Variants in PGM5 observed in about 807,000 individuals in gnomAD.
PGM5 encodes phosphoglucomutase-like protein 5.
In PGM5, 23 loss-of-function variants were observed where a neutral mutation model predicts 59.2. The ratio of observed to expected loss-of-function variants is 0.39; its 90% confidence interval spans 0.28 to 0.55. PGM5 has a LOEUF of 0.55. PGM5 is among the 20% of genes least tolerant of loss of function. PGM5 has a pLI of 0.66. For synonymous variants in PGM5, 214 were observed against 286.0 expected, an observed-to-expected ratio of 0.75 and a Z score of 2.54; for missense variants, 574 against 748.3, an observed-to-expected ratio of 0.77 and a Z score of 2.72.
intron 6 of PGM5, among the ~76,000 whole-genome samples, chr9:68,449,774 CT>C (rs1449723204): frequency 1.3e-5 from 2 of 152,182 alleles, no homozygotes; most frequent in African/African-American, 2.4e-5. Flanking sequence ...ACTGCACAGC[CT>C]CTTTAATCTT....
intron 6 of PGM5, among the ~76,000 whole-genome samples, chr9:68,444,298 T>C (rs1823576759): frequency 6.6e-6 from 1 of 152,156 alleles, no homozygotes; most frequent in Non-Finnish European, 1.5e-5. Context: ...AAAAGGGAGA[T>C]ATTTGACCCT....
chr9:68,487,339 C>A (rs782459010), intron 9 of PGM5, among the ~76,000 whole-genome samples: 1 of 151,984 alleles, frequency 6.6e-6, no homozygotes, highest in Non-Finnish European at 1.5e-5. Context: ...GCGGCAAGTA[C>A]CTAATTGATG....
At chr9:68,380,594 CA>C (rs1484957442) in intron 2 of PGM5, among the ~76,000 whole-genome samples, 1 of 151,474 alleles carries the variant, frequency 6.6e-6, no homozygotes, top group Non-Finnish European at 1.5e-5. Context: ...TAATGAAGAT[CA>C]GAACAGAAGC....
intron 1 of PGM5, 29 bp downstream of exon 1, chr9:68,357,417 G>A (rs1554675845): frequency 1.3e-6 from 2 of 1,546,308 alleles, no homozygotes. Flanking sequence ...CTCGCTTCCC[G>A]CCGCGCCGCC....
intron 6 of PGM5, among the ~76,000 whole-genome samples, chr9:68,447,972 T>G (rs1554684108): frequency 1.3e-5 from 2 of 152,108 alleles, no homozygotes; most frequent in African/African-American, 4.8e-5. Context: ...CAAATTAAAT[T>G]GGAGCAAAGA....
At chr9:68,492,661 G>A (rs1254079005) in intron 9 of PGM5, among the ~76,000 whole-genome samples, 3 of 152,212 alleles carry the variant, frequency 2.0e-5, no homozygotes, top group Admixed American at 6.5e-5. Context: ...GCTGGGGGTA[G>A]AGGGGGGCAC....
At chr9:68,445,880 A>G (rs1823603358) in intron 6 of PGM5, among the ~76,000 whole-genome samples, 2 of 152,362 alleles carry the variant, frequency 1.3e-5, no homozygotes, top group East Asian at 1.9e-4. Context: ...GTGCTCTACC[A>G]TGTATCTGGG....
In PGM5 at chr9:68,437,622, A is replaced by T. The variant is rs1456568515; in HGVS notation, c.1044-27471A>T. 6.6e-6 allele frequency among the ~76,000 whole-genome samples: 1 copy of T among 152,054 alleles called. No homozygotes were observed. The highest frequency in any genetic ancestry group is 1.5e-5 in the Non-Finnish European group (1 of 67,994). The stretch of plus-strand genomic sequence containing the variant: ...ACACTCTCACACATTTTACCCACAC[A>T]TGCATATACTGTATATACACACCCA... On this transcript the variant is annotated intron_variant, in intron 6 of 10. Transcript: ENST00000396396. This position sits in a 1 kb window ranked among gnomAD's most constrained non-coding sequence, Gnocchi z 4.1.
At chr9:68,439,456 T>A (rs961620167) in intron 6 of PGM5, among the ~76,000 whole-genome samples, 39 of 146,018 alleles carry the variant, frequency 2.7e-4, no homozygotes, top group Non-Finnish European at 4.6e-4. Context: ...ATATGTAAAA[T>A]ATATATATAT....
chr9:68,458,334 AAAATG>A (rs1247404566), intron 6 of PGM5, among the ~76,000 whole-genome samples: 1 of 152,238 alleles, frequency 6.6e-6, no homozygotes, highest in Non-Finnish European at 1.5e-5. Context: ...ACACCTACCT[AAAATG>A]AAAGTGGAGA....
chr9:68,455,998 T>C (rs943027976), intron 6 of PGM5, among the ~76,000 whole-genome samples: 3 of 152,246 alleles, frequency 2.0e-5, no homozygotes, highest in African/African-American at 7.2e-5. Flanking sequence ...GCTTGTCTAG[T>C]GCCTTTCTGA....
chr9:68,387,647 T>C (rs1355508046), intron 4 of PGM5, 59 bp downstream of exon 4: 5 of 1,549,782 alleles, frequency 3.2e-6, no homozygotes, highest in Middle Eastern at 1.7e-4. Flanking sequence ...TGTACACCTG[T>C]TGGGTTTCAG....
chr9:68,526,588 T>G (rs1172267089), intron 10 of PGM5, among the ~76,000 whole-genome samples: 2 of 152,370 alleles, frequency 1.3e-5, no homozygotes, highest in East Asian at 3.9e-4. Flanking sequence ...ATGAGCATAC[T>G]GTTTGCCATT....
chr9:68,392,881 A>AG (rs1822401978), intron 6 of PGM5, among the ~76,000 whole-genome samples: 2 of 152,138 alleles, frequency 1.3e-5, no homozygotes, highest in Admixed American at 6.6e-5. Flanking sequence ...TGTATAAGTG[A>AG]GGGAAAAAAA....
At chr9:68,389,627 A>C (rs1446923157) in intron 4 of PGM5, among the ~76,000 whole-genome samples, 1 of 152,070 alleles carries the variant, frequency 6.6e-6, no homozygotes, top group African/African-American at 2.4e-5. Context: ...GATATACCAC[A>C]ATTTGTTTAT....
intron 9 of PGM5, among the ~76,000 whole-genome samples, chr9:68,496,616 G>A (rs1215115034): frequency 6.6e-6 from 1 of 152,164 alleles, no homozygotes; most frequent in African/African-American, 2.4e-5. Context: ...CCAGACATAG[G>A]TTCTAACAAT....
intron 6 of PGM5, chr9:68,406,534 C>A (rs1403077706): frequency 6.7e-6 from 1 of 150,266 alleles, no homozygotes; most frequent in Non-Finnish European, 1.5e-5. Flanking sequence ...GTCCTCATGA[C>A]CCAATCCCTT....
At chr9:68,459,268 T>A (rs897107812) in intron 6 of PGM5, among the ~76,000 whole-genome samples, 1 of 152,198 alleles carries the variant, frequency 6.6e-6, no homozygotes, top group Non-Finnish European at 1.5e-5. Context: ...TCAAGGAATT[T>A]TTCACCAAAT....
intron 7 of PGM5, chr9:68,466,342 T>G (rs1554685817): frequency 5.4e-6 from 2 of 373,050 alleles, no homozygotes; most frequent in Non-Finnish European, 8.6e-6. Context: ...ATTCCCCATC[T>G]GTTTATGTAA....
Sources: gnomAD v4.1 joint callset for allele counts (sites outside exome capture counted in the v4.1 genomes callset) on GRCh38, gnomAD v4.1.1 for gene constraint, Gnocchi (gnomAD v3.1) non-coding constraint, MANE v1.5 for transcripts, NCBI Gene and HGNC (gene_info 2026-07-23, HGNC 2026-07-21) for gene names.